Variants in LARGE1 observed in about 807,000 individuals in gnomAD.
LARGE1 encodes LARGE xylosyl- and glucuronyltransferase 1.
Under a neutral mutation model 87.6 loss-of-function variants are expected in LARGE1, and 43 were observed. That is an observed-to-expected ratio of 0.49 (90% confidence interval 0.38 to 0.63). The LOEUF is 0.63. LARGE1 is among the 30% of genes least tolerant of loss of function. LARGE1 has a pLI of 0.00. For synonymous variants in LARGE1, 434 were observed against 394.6 expected, an observed-to-expected ratio of 1.10 and a Z score of -1.18; for missense variants, 802 against 1,000.2, an observed-to-expected ratio of 0.80 and a Z score of 2.67.
chr22:33,462,297 C>A (rs73409004), intron 6 of LARGE1, among the ~76,000 whole-genome samples: 1 of 151,948 alleles, frequency 6.6e-6, no homozygotes, highest in African/African-American at 2.4e-5. Flanking sequence ...GGAAAAACAC[C>A]CTTCGGGATG....
chr22:33,910,158 C>G (rs1026764074), intron 1 of LARGE1, among the ~76,000 whole-genome samples: 2 of 152,156 alleles, frequency 1.3e-5, no homozygotes, highest in African/African-American at 2.4e-5. Flanking sequence ...ACTTATGACA[C>G]ATTTTTTGCA....
the LARGE1 span, among the ~76,000 whole-genome samples, chr22:33,148,752 T>C: frequency 2.0e-5 from 3 of 152,186 alleles, no homozygotes; most frequent in Admixed American, 6.5e-5. Flanking sequence ...TATGTTAGTT[T>C]ATTATTTTAG....
chr22:33,588,503 ATG>A (rs1416690510), intron 5 of LARGE1, among the ~76,000 whole-genome samples: 2 of 117,402 alleles, frequency 1.7e-5, no homozygotes, highest in African/African-American at 3.9e-5. Context: ...AGGAACATAT[ATG>A]TGTGCGTGTG....
intron 6 of LARGE1, among the ~76,000 whole-genome samples, chr22:33,550,589 T>C (rs1343700327): frequency 1.3e-5 from 2 of 152,160 alleles, no homozygotes; most frequent in African/African-American, 4.8e-5. Flanking sequence ...AAGACGGAAC[T>C]CTTATACACT....
chr22:33,388,971 G>GTACA (rs1255226531), intron 7 of LARGE1, among the ~76,000 whole-genome samples: 1 of 152,182 alleles, frequency 6.6e-6, no homozygotes, highest in Non-Finnish European at 1.5e-5. Flanking sequence ...CATAAGACAC[G>GTACA]TACATCATTA....
intron 2 of LARGE1, among the ~76,000 whole-genome samples, chr22:33,685,951 G>C (rs1257159342): frequency 6.6e-6 from 1 of 152,200 alleles, no homozygotes; most frequent in Non-Finnish European, 1.5e-5. Flanking sequence ...CAAACATGCA[G>C]AGCAATTAAT....
At position 33,335,312 on chromosome 22, in the gene LARGE1, C is replaced by T. The variant is rs117684978; in HGVS notation, c.1287+2334G>A. Among the ~76,000 whole-genome samples the T allele has an allele frequency of 6.6e-4, 100 of 152,268 alleles. No individual in the cohort carries two copies. In the East Asian group the frequency reaches 0.017, roughly 26 times the overall value. ...GTTCCAGTGCTTAATGGTTTTCTTT[C>T]CTTTATCACTAGATGCGAAGGAGGG... On this transcript the variant is annotated intron_variant, in intron 10 of 14. Coordinates refer to ENST00000397394, the MANE Select transcript of LARGE1 (RefSeq NM_133642.5).
chr22:33,517,837 T>C (rs1169980185), intron 6 of LARGE1, among the ~76,000 whole-genome samples: 1 of 152,208 alleles, frequency 6.6e-6, no homozygotes, highest in African/African-American at 2.4e-5. Context: ...ACAGATACAA[T>C]ATACCTTAAA....
At chr22:33,921,127 C>T (rs1394234874), upstream of LARGE1, among the ~76,000 whole-genome samples, 1 of 151,484 alleles carries the variant, frequency 6.6e-6, no homozygotes, top group Admixed American at 6.6e-5. The surrounding 1 kb of genome is among the most constrained non-coding windows in gnomAD (Gnocchi z 4.1). Flanking sequence ...ACCGAGCGGC[C>T]GGCCAATGGC....
At chr22:33,213,831 CT>C (rs894105038) in intron 11 of LARGE1, among the ~76,000 whole-genome samples, 44 of 147,376 alleles carry the variant, frequency 3.0e-4, no homozygotes, top group East Asian at 3.9e-4. Flanking sequence ...TTTTCTTTTT[CT>C]TTTTTTTTTT....
intron 13 of LARGE1, among the ~76,000 whole-genome samples, chr22:33,282,602 G>A (rs940519001): frequency 6.6e-6 from 1 of 152,140 alleles, no homozygotes; most frequent in African/African-American, 2.4e-5. Context: ...GCAGGACTCG[G>A]GGGCCTGGGA....
chr22:33,610,416 GT>G (rs1287336397), intron 4 of LARGE1, among the ~76,000 whole-genome samples: 5 of 152,172 alleles, frequency 3.3e-5, no homozygotes, highest in African/African-American at 1.2e-4. Flanking sequence ...AGCAAAGAAT[GT>G]GACTGTATTG....
intron 1 of LARGE1, among the ~76,000 whole-genome samples, chr22:33,892,504 G>T (rs745489766): frequency 1.3e-5 from 2 of 152,248 alleles, no homozygotes; most frequent in Non-Finnish European, 2.9e-5. Context: ...AGTCAAAGGA[G>T]TTGGGTAGGA....
intron 11 of LARGE1, among the ~76,000 whole-genome samples, chr22:33,215,340 G>A (rs1234826131): frequency 6.6e-6 from 1 of 152,160 alleles, no homozygotes; most frequent in African/African-American, 2.4e-5. Context: ...CCCAAACTAA[G>A]AGCATCACTT....
chr22:33,809,972 GC>G (rs1260872074), intron 1 of LARGE1, among the ~76,000 whole-genome samples: 1 of 152,002 alleles, frequency 6.6e-6, no homozygotes, highest in Non-Finnish European at 1.5e-5. Context: ...AGTGGTACTA[GC>G]CACATTTCAA....
At chr22:33,864,362 C>T (rs1291291319) in intron 1 of LARGE1, among the ~76,000 whole-genome samples, 1 of 152,054 alleles carries the variant, frequency 6.6e-6, no homozygotes, top group Non-Finnish European at 1.5e-5. Flanking sequence ...ATAAATAGCC[C>T]AAAGCACAAT....
At chr22:33,670,235 C>T (rs961705563) in intron 2 of LARGE1, among the ~76,000 whole-genome samples, 1 of 151,878 alleles carries the variant, frequency 6.6e-6, no homozygotes, top group African/African-American at 2.4e-5. Flanking sequence ...CCCTATCAAT[C>T]ACTATAAAGC....
At chr22:33,418,841 C>T (rs1468549776) in intron 7 of LARGE1, among the ~76,000 whole-genome samples, 2 of 152,142 alleles carry the variant, frequency 1.3e-5, no homozygotes, top group African/African-American at 4.8e-5. Flanking sequence ...TGGTGATCTT[C>T]AGGAACCTTG....
chr22:33,309,581 G>A (rs113351702), intron 11 of LARGE1, among the ~76,000 whole-genome samples: 4 of 152,266 alleles, frequency 2.6e-5, no homozygotes, highest in South Asian at 2.1e-4. Context: ...ACACCAAATC[G>A]ACCGAAGCCT....
Sources: allele counts gnomAD v4.1 joint callset (sites outside exome capture counted in the v4.1 genomes callset), GRCh38; gene constraint gnomAD v4.1.1; non-coding constraint Gnocchi (gnomAD v3.1); transcripts MANE v1.5; gene names NCBI Gene and HGNC (gene_info 2026-07-23, HGNC 2026-07-21).